RBMS3: variants seen among roughly 807,000 people sequenced by gnomAD.
RBMS3 encodes RNA binding motif single stranded interacting protein 3, also known as RNA-binding motif, single-stranded-interacting protein 3.
In RBMS3, 27 loss-of-function variants were observed where a neutral mutation model predicts 66.8. The ratio of observed to expected loss-of-function variants is 0.40; its 90% CI spans 0.30 to 0.56. The LOEUF is 0.56. RBMS3 is among the 20% of genes least tolerant of loss of function. The pLI is 0.40. For missense variants in RBMS3, 513 were observed against 549.5 expected, an observed-to-expected ratio of 0.93 and a Z score of 0.66; for synonymous variants, 188 against 183.0, an observed-to-expected ratio of 1.03 and a Z score of -0.22.
intron 3 of RBMS3, among the ~76,000 whole-genome samples, chr3:29,490,680 T>G (rs563966356): frequency 3.9e-5 from 6 of 152,058 alleles, no homozygotes; most frequent in African/African-American, 1.4e-4. Flanking sequence ...AAGAATAATG[T>G]GTAGAAGGGG....
intron 3 of RBMS3, among the ~76,000 whole-genome samples, chr3:29,489,177 T>TTG (rs1487540417): frequency 6.6e-6 from 1 of 152,178 alleles, no homozygotes; most frequent in East Asian, 1.9e-4. Context: ...AACATGCTGT[T>TTG]TGTTGTTCCT....
chr3:29,974,801 G>GTTTATATA (rs200148283), intron 12 of RBMS3, among the ~76,000 whole-genome samples: 37,955 of 126,412 alleles, frequency 0.3, 7,462 homozygotes, highest in East Asian at 0.53. Context: ...TATAAAATAC[G>GTTTATATA]TTTATATATT....
intron 1 of RBMS3, among the ~76,000 whole-genome samples, chr3:29,385,082 A>G (rs367658719): frequency 6.6e-6 from 1 of 152,178 alleles, no homozygotes; most frequent in Non-Finnish European, 1.5e-5. Context: ...ACTAAACAGT[A>G]GATACTCTTC....
chr3:29,683,130 A>T (rs28370467), intron 4 of RBMS3, among the ~76,000 whole-genome samples: 93,982 of 151,944 alleles, frequency 0.62, 29,604 homozygotes, highest in African/African-American at 0.74. Context: ...CCGGCTTCCT[A>T]CATAACACTT....
intron 12 of RBMS3, among the ~76,000 whole-genome samples, chr3:29,970,455 T>G (rs925861728): frequency 6.6e-6 from 1 of 152,246 alleles, no homozygotes; most frequent in African/African-American, 2.4e-5. Context: ...TTATTTTTTT[T>G]CGAAGCTAAT....
chr3:29,800,164 TC>T (rs1254901515), intron 6 of RBMS3, among the ~76,000 whole-genome samples: 1 of 152,156 alleles, frequency 6.6e-6, no homozygotes, highest in Non-Finnish European at 1.5e-5. Context: ...TTTTATTCAC[TC>T]CCTGCCCTTT....
intron 6 of RBMS3, among the ~76,000 whole-genome samples, chr3:29,789,388 T>C (rs2149424023): frequency 6.6e-6 from 1 of 152,200 alleles, no homozygotes; most frequent in Non-Finnish European, 1.5e-5. Context: ...GAATTTATTT[T>C]AGCATTAGTT....
rs1294603600 is a variant in RBMS3 at position 30,007,906 on chromosome 3, G to A, written c.*4044G>A. ...TTCCACCCCCTTCTAATGAAAAACT[G>A]CATGGTGTTAAAAGCACTCTCATTA... On this transcript the variant is annotated 3_prime_UTR_variant, in exon 15 of 15. Transcript: ENST00000383767. 1 of 151,886 alleles carries A rather than the reference G, an allele frequency of 6.6e-6. No individual in the cohort carries two copies. Among genetic ancestry groups the A allele is most frequent in the African/African-American group, 2.4e-5 (1 of 41,348 alleles). 9.4% of individuals were successfully genotyped at this position (151,886 alleles called of 1,614,324 possible). A position where few individuals can be genotyped will look rare whatever the true frequency, so the allele number is the denominator to read the frequency against.
chr3:29,868,933 A>G lies in RBMS3; in HGVS notation c.713A>G (p.Gln238Arg), dbSNP rs767760857. Residue 238 changes from glutamine (Q) to arginine (R), a missense_variant, in exon 7 of 15, where the codon CAG becomes CGG. Transcript: ENST00000383767. ...CGACAGAATCAAAGCAAATATACCC[A>G]GAATGGGAGGCCTTGGCCCAGGGAA... Reference protein sequence around the residue: ...KKRQNQSKYTQNGRPWPREGE... With the variant: ...KKRQNQSKYTRNGRPWPREGE... 1.9e-6 allele frequency: 3 copies of G among 1,601,948 alleles called. No homozygotes were observed. The highest frequency in any genetic ancestry group is 2.3e-5 in the South Asian group (2 of 88,640).
chr3:29,383,948 A>G (rs1415212764), intron 1 of RBMS3, among the ~76,000 whole-genome samples: 2 of 152,220 alleles, frequency 1.3e-5, no homozygotes, highest in East Asian at 1.9e-4. Flanking sequence ...TATGTTAACT[A>G]TACGATAAGT....
At chr3:29,875,369 A>G (rs924759117) in intron 7 of RBMS3, among the ~76,000 whole-genome samples, 1 of 152,096 alleles carries the variant, frequency 6.6e-6, no homozygotes, top group Non-Finnish European at 1.5e-5. Context: ...AAAGTTGTAT[A>G]TTTTTCATCC....
intron 1 of RBMS3, among the ~76,000 whole-genome samples, chr3:29,433,227 C>T (rs564308432): frequency 6.6e-6 from 1 of 152,046 alleles, no homozygotes; most frequent in Non-Finnish European, 1.5e-5. Context: ...TTGACCTCAT[C>T]TGAATACTTA....
intron 6 of RBMS3, 104 bp downstream of exon 6, chr3:29,763,093 G>A (rs980286051): frequency 2.8e-6 from 2 of 719,446 alleles, no homozygotes; most frequent in Admixed American, 3.4e-5. Flanking sequence ...AGAGTTGGGG[G>A]GTTTGCTTTT....
intron 6 of RBMS3, among the ~76,000 whole-genome samples, chr3:29,811,075 A>C (rs933616111): frequency 4.6e-5 from 7 of 152,176 alleles, no homozygotes; most frequent in African/African-American, 1.7e-4. Flanking sequence ...GTCTAAATTT[A>C]AGTCTAAATC....
intron 10 of RBMS3, among the ~76,000 whole-genome samples, chr3:29,917,085 G>T (rs1416453263): frequency 6.6e-6 from 1 of 151,870 alleles, no homozygotes; most frequent in Non-Finnish European, 1.5e-5. Flanking sequence ...CATTTTTTGG[G>T]TGTCTGCTAT....
intron 3 of RBMS3, among the ~76,000 whole-genome samples, chr3:29,513,259 T>C (rs1277269552): frequency 6.6e-6 from 1 of 152,182 alleles, no homozygotes; most frequent in Non-Finnish European, 1.5e-5. Context: ...AAAACTGTAC[T>C]TGTTTGATTG....
intron 1 of RBMS3, among the ~76,000 whole-genome samples, chr3:29,394,814 G>C (rs1656729007): frequency 6.6e-6 from 1 of 152,024 alleles, no homozygotes; most frequent in Non-Finnish European, 1.5e-5. Context: ...TTACTTTTCT[G>C]GTTCAGACTG....
intron 6 of RBMS3, among the ~76,000 whole-genome samples, chr3:29,780,902 T>C (rs931470492): frequency 1.3e-5 from 2 of 152,158 alleles, no homozygotes; most frequent in African/African-American, 2.4e-5. Flanking sequence ...TCACTTTTTT[T>C]CCAAAATATA....
At chr3:29,675,822 T>C (rs957871756) in intron 4 of RBMS3, among the ~76,000 whole-genome samples, 2 of 152,196 alleles carry the variant, frequency 1.3e-5, no homozygotes, top group African/African-American at 4.8e-5. Context: ...TTTACACTGT[T>C]GGTGGGTCTG....
Sources: allele counts gnomAD v4.1 joint callset (sites outside exome capture counted in the v4.1 genomes callset), GRCh38; gene constraint gnomAD v4.1.1; transcripts MANE v1.5; gene names NCBI Gene and HGNC (gene_info 2026-07-23, HGNC 2026-07-21).